The following SLC28A3 variants were observed in gnomAD, a reference collection of about 807,000 sequenced individuals.
SLC28A3 encodes solute carrier family 28 member 3, also known as concentrative Na(+)-nucleoside cotransporter 3.
SLC28A3 carries 68 observed loss-of-function variants against 84.2 expected under a neutral mutation model. That is an observed-to-expected ratio of 0.81 (90% CI 0.66 to 0.99). The LOEUF is 0.99. Among genes scored for constraint, SLC28A3 ranks in the 50% least tolerant of loss-of-function variants. The pLI is 0.00. For synonymous variants in SLC28A3, 267 were observed against 303.6 expected, an observed-to-expected ratio of 0.88 and a Z score of 1.25; for missense variants, 712 against 841.5, an observed-to-expected ratio of 0.85 and a Z score of 1.90.
rs1309282961 is a variant in SLC28A3 at position 84,276,967 on chromosome 9, A to G, written c.*1251T>C. The G allele has an allele frequency of 6.6e-6, 1 of 152,202 alleles. No homozygotes were observed. Among genetic ancestry groups the G allele is most frequent in the Non-Finnish European group, 1.5e-5 (1 of 68,042 alleles). 9.4% of individuals were successfully genotyped at this position (152,202 alleles called of 1,614,324 possible). On this transcript the variant is annotated 3_prime_UTR_variant, in exon 18 of 18. Transcript: ENST00000376238. ...GCTATTAAGAGCAGTGGTGATGGGC[A>G]TTTCGTTAAAGAGCACACCACCATT...
At chr9:84,303,972 C>T (rs1416935295) in intron 4 of SLC28A3, among the ~76,000 whole-genome samples, 1 of 152,180 alleles carries the variant, frequency 6.6e-6, no homozygotes, top group African/African-American at 2.4e-5. Context: ...CCTCAAAGTA[C>T]TTGTTTCTGG....
intron 1 of SLC28A3, among the ~76,000 whole-genome samples, chr9:84,323,030 A>AT (rs1484659931): frequency 6.6e-6 from 1 of 152,038 alleles, no homozygotes; most frequent in East Asian, 1.9e-4. Context: ...TTATTTATTT[A>AT]TTTTTTTATA....
rs866058413 is a variant in SLC28A3 at position 84,297,386 on chromosome 9, G to A, written c.784-88C>T. On this transcript the variant is annotated intron_variant, in intron 7 of 17. Coordinates refer to ENST00000376238, the MANE Select transcript of SLC28A3 (RefSeq NM_001199633.2). ...CAGGAATGCTAGGCTCTCAGAGGACGGACCCAGCAAATGTGTTGGATAGAC... is the reference window on the plus strand; with the variant it reads ...CAGGAATGCTAGGCTCTCAGAGGACAGACCCAGCAAATGTGTTGGATAGAC... 85 of 1,038,878 alleles carry A rather than the reference G, an allele frequency of 8.2e-5. No individual in the cohort carries two copies. In the African/African-American group the frequency reaches 1.0e-3, roughly 13 times the overall value. 64.4% of individuals were successfully genotyped at this position (1,038,878 alleles called of 1,614,324 possible).
chr9:84,299,819 G>A, intron 5 of SLC28A3, 94 bp from the exon 6 acceptor site: 1 of 1,373,620 alleles, frequency 7.3e-7, no homozygotes, highest in South Asian at 1.5e-5. Flanking sequence ...GAGAGATGGA[G>A]TCTTGCTCTG....
chr9:84,288,659 T>G lies in SLC28A3; in HGVS notation c.1150-481A>C, dbSNP rs73482414. 6.8e-3 allele frequency among the ~76,000 whole-genome samples: 1,033 copies of G among 152,154 alleles called. 10 individuals are homozygous for G. The highest frequency in any genetic ancestry group is 0.024 in the African/African-American group (984 of 41,518). On this transcript the variant is annotated intron_variant, in intron 11 of 17. Transcript: ENST00000376238. The stretch of plus-strand genomic sequence containing the variant: ...CTCCCTGGTCAAGCGATTCTCCTGC[T>G]TCAGCTTCTTGAGTAGCTGGGATTA...
At chr9:84,349,528 C>G in the SLC28A3 span, among the ~76,000 whole-genome samples, 7 of 152,180 alleles carry the variant, frequency 4.6e-5, no homozygotes, top group Non-Finnish European at 8.8e-5. Context: ...TCAGCCACCA[C>G]GTCCGGCTTA....
chr9:84,345,593 G>C (rs1162145278), upstream of SLC28A3, among the ~76,000 whole-genome samples: 3 of 152,156 alleles, frequency 2.0e-5, no homozygotes, highest in Non-Finnish European at 1.5e-5. Context: ...ACAACATTTG[G>C]GGGAGCATAT....
At chr9:84,319,765 C>T (rs1478774708) in intron 1 of SLC28A3, among the ~76,000 whole-genome samples, 2 of 152,096 alleles carry the variant, frequency 1.3e-5, no homozygotes, top group Non-Finnish European at 2.9e-5. Context: ...ACTTCCTATG[C>T]ATTTGGGAAG....
chr9:84,294,356 C>T (rs747610789), intron 8 of SLC28A3, 81 bp from the exon 9 acceptor site: 3 of 1,307,172 alleles, frequency 2.3e-6, no homozygotes, highest in Non-Finnish European at 3.3e-6. Flanking sequence ...CTCTCTGTCT[C>T]CTTTTCTCCC....
At chr9:84,340,936 T>G (rs543208949), upstream of SLC28A3, among the ~76,000 whole-genome samples, 108 of 151,696 alleles carry the variant, frequency 7.1e-4, no homozygotes, top group South Asian at 1.3e-3. Flanking sequence ...AAAACTCTTG[T>G]GGTGCACAAA....
Position 84,278,111 on chromosome 9 carries a change from C to A in SLC28A3, c.*107G>T. 7.2e-7 allele frequency: 1 copy of A among 1,387,830 alleles called. No individual in the cohort carries two copies. Among genetic ancestry groups the A allele is most frequent in the African/African-American group, 1.4e-5 (1 of 69,450 alleles). 86.0% of individuals were successfully genotyped at this position (1,387,830 alleles called of 1,614,324 possible). Reference sequence around the variant, plus strand: ...TCATTCCTTGCAATTAAAGCTGATTCCATTATGGAAGCATCAATCTGTGGA... The same window carrying A: ...TCATTCCTTGCAATTAAAGCTGATTACATTATGGAAGCATCAATCTGTGGA... On this transcript the variant is annotated 3_prime_UTR_variant, in exon 18 of 18. Transcript: ENST00000376238.
the SLC28A3 span, among the ~76,000 whole-genome samples, chr9:84,353,258 T>A: frequency 6.6e-6 from 1 of 152,242 alleles, no homozygotes; most frequent in South Asian, 2.1e-4. Context: ...AGTTTACATA[T>A]TTTAAGCCTC....
chr9:84,290,083 GGAAAA>G (rs1187422295), intron 11 of SLC28A3, 66 bp downstream of exon 11: 1 of 1,564,204 alleles, frequency 6.4e-7, no homozygotes, highest in South Asian at 1.2e-5. Flanking sequence ...CACCAGCAAT[GGAAAA>G]GAAAAGAAAT....
chr9:84,302,350 A>C lies in SLC28A3; in HGVS notation c.374T>G (p.Phe125Cys), dbSNP rs1450283653. ...CACAAAAAGAGGAAGGGCTCTGTGA[A>C]AGTTCAGCACACAGGCCGAAATCAC... ...VMVISACVLN[F>C]HRALPLFVIT... Residue 125 changes from phenylalanine to cysteine, a missense_variant, in exon 5 of 18, where the codon TTT becomes TGT. Physicochemically the swap from Phe to Cys is radical, Grantham distance 205 (BLOSUM62 -2). Transcript: ENST00000376238. 1.9e-6 allele frequency: 3 copies of C among 1,613,972 alleles called. No individual in the cohort carries two copies. The African/African-American group carries it at 4.0e-5, about 22-fold the overall frequency.
intron 17 of SLC28A3, among the ~76,000 whole-genome samples, 167 bp downstream of exon 17, chr9:84,279,098 T>A (rs532492866): frequency 4.2e-5 from 6 of 143,798 alleles, no homozygotes; most frequent in African/African-American, 1.6e-4. Context: ...CATAAAGTTA[T>A]AAAATTAAGT....
At chr9:84,361,268 C>T in the SLC28A3 span, among the ~76,000 whole-genome samples, 1 of 152,158 alleles carries the variant, frequency 6.6e-6, no homozygotes, top group Non-Finnish European at 1.5e-5. Flanking sequence ...TTGCTTGAAC[C>T]TGGGAGGCAA....
chr9:84,328,136 G>A (rs1304429221), intron 1 of SLC28A3, among the ~76,000 whole-genome samples: 2 of 137,618 alleles, frequency 1.5e-5, no homozygotes, highest in African/African-American at 2.7e-5. Flanking sequence ...AAAGAAGGAA[G>A]TAATAGAGGG....
At chr9:84,290,590 C>T (rs903294580) in intron 10 of SLC28A3, among the ~76,000 whole-genome samples, 1 of 152,112 alleles carries the variant, frequency 6.6e-6, no homozygotes. Flanking sequence ...GATCAGTTTC[C>T]ATATGTGGTC....
intron 3 of SLC28A3, 37 bp downstream of exon 3, chr9:84,309,592 G>A (rs759127839): frequency 3.4e-6 from 5 of 1,479,324 alleles, no homozygotes; most frequent in South Asian, 1.2e-5. Flanking sequence ...CCAAACGGGA[G>A]GTAGGCTTGG....
Sources: allele counts gnomAD v4.1 joint callset (sites outside exome capture counted in the v4.1 genomes callset), GRCh38; gene constraint gnomAD v4.1.1; transcripts MANE v1.5; gene names NCBI Gene and HGNC (gene_info 2026-07-23, HGNC 2026-07-21).